CHD7: variants seen among roughly 807,000 people sequenced by gnomAD.
CHD7 encodes the protein chromodomain helicase DNA binding protein 7, also known as ATP-dependent chromatin remodeler CHD7.
Under a neutral mutation model 307.3 loss-of-function variants are expected in CHD7, and 24 were observed. That is an observed-to-expected ratio of 0.08 (90% CI 0.06 to 0.11). The LOEUF is 0.11. Ranked by LOEUF, CHD7 falls within the 10% of genes least tolerant of loss-of-function variation. CHD7 has a pLI of 1.00. For synonymous variants in CHD7, 1,363 were observed against 1,349.9 expected (o/e 1.01, Z -0.21); for missense variants, 3,106 against 3,727.1 (o/e 0.83, Z 4.34).
At chr8:60,805,514 T>G (rs74977823) in intron 6 of CHD7, among the ~76,000 whole-genome samples, 1 of 152,178 alleles carries the variant, frequency 6.6e-6, no homozygotes. Context: ...GTCAGGCATC[T>G]TCACAGCAGG....
intron 32 of CHD7, 67 bp from the exon 33 acceptor site, chr8:60,855,905 GGAT>G: frequency 1.0e-6 from 1 of 984,396 alleles, no homozygotes; most frequent in Non-Finnish European, 1.6e-6. Context: ...GCATCTTGAT[GGAT>G]GTATTTATCT....
rs375905260 is a variant in CHD7, at chr8:60,781,201, G to A, written c.1867G>A (p.Gly623Arg). 3 of 1,600,468 alleles carry A rather than the reference G, an allele frequency of 1.9e-6. No individual in the cohort carries two copies. The highest frequency in any genetic ancestry group is 1.7e-5 in the Admixed American group (1 of 57,488). The part of the protein sequence containing the change: ...KGFGKDDFPG[G>R]VDNQELNRNS... ...TTTTGGTAAAGATGACTTCCCTGGT[G>A]GGGTAGATAACCAAGAACTAAATAG... is the stretch of plus-strand genomic sequence containing the variant. The change falls in exon 3 of 38, where the codon GGG (glycine) becomes AGG (arginine). Residue 623 changes from glycine (G) to arginine (R), a missense_variant. Physicochemically the swap from Gly to Arg is moderately radical, Grantham distance 125 (BLOSUM62 -2). Around this residue, in one of 10 missense-constraint regions of CHD7, gnomAD observed 998 missense variants for 1,004.5 expected, o/e 0.99. Coordinates refer to ENST00000423902, the MANE Select transcript of CHD7 (RefSeq NM_017780.4).
At chr8:60,702,878 T>A (rs990150128) in intron 1 of CHD7, among the ~76,000 whole-genome samples, 15 of 152,240 alleles carry the variant, frequency 9.9e-5, no homozygotes, top group African/African-American at 3.4e-4. Context: ...TGGGGCCATA[T>A]GTTTGCATGT....
intron 2 of CHD7, among the ~76,000 whole-genome samples, chr8:60,768,379 A>G (rs1810569611): frequency 6.6e-6 from 1 of 152,306 alleles, no homozygotes; most frequent in South Asian, 2.1e-4. Flanking sequence ...AACCAAACCT[A>G]ATATTAAATC....
At chr8:60,784,181 G>A (rs1811387131) in intron 3 of CHD7, among the ~76,000 whole-genome samples, 1 of 152,172 alleles carries the variant, frequency 6.6e-6, no homozygotes, top group Admixed American at 6.5e-5. Flanking sequence ...GGGGGTTTGG[G>A]TTATGTTAGT....
chr8:60,691,197 C>T (rs1806176572), intron 1 of CHD7, among the ~76,000 whole-genome samples: 1 of 152,196 alleles, frequency 6.6e-6, no homozygotes, highest in South Asian at 2.1e-4. Context: ...GCTGGGATTA[C>T]AGGTGTCTGT....
At chr8:60,718,642 T>C (rs965667902) in intron 1 of CHD7, among the ~76,000 whole-genome samples, 1 of 152,180 alleles carries the variant, frequency 6.6e-6, no homozygotes, top group African/African-American at 2.4e-5. Flanking sequence ...TTAAAGTCTA[T>C]AAAATAAAAA....
chr8:60,809,912 G>A (rs1001571430), intron 7 of CHD7, among the ~76,000 whole-genome samples: 1 of 152,122 alleles, frequency 6.6e-6, no homozygotes. Context: ...GGTTGCTAAG[G>A]GGTGATTTAC....
chr8:60,719,616 G>T (rs758396500), intron 1 of CHD7, among the ~76,000 whole-genome samples: 3 of 152,126 alleles, frequency 2.0e-5, no homozygotes, highest in Non-Finnish European at 4.4e-5. Flanking sequence ...TAAAGCCCTG[G>T]GGTAATAAAA....
chr8:60,805,508 G>A (rs1291587253), intron 6 of CHD7, among the ~76,000 whole-genome samples: 1 of 152,164 alleles, frequency 6.6e-6, no homozygotes, highest in East Asian at 1.9e-4. Context: ...TCTCTTGTCA[G>A]GCATCTTCAC....
In CHD7 at chr8:60,742,778, A is replaced by G. The variant is rs1208556547; in HGVS notation, c.1346A>G (p.Asn449Ser). 17 of 1,613,928 alleles carry G rather than the reference A, an allele frequency of 1.1e-5. No homozygotes were observed. Among genetic ancestry groups the G allele is most frequent in the Non-Finnish European group, 1.4e-5 (17 of 1,179,890 alleles). Residue 449 changes from asparagine to serine, a missense_variant, in exon 2 of 38, where the codon AAT (asparagine) becomes AGT (serine). By Grantham distance (46) the Asn-to-Ser change is conservative (BLOSUM62 1). Transcript: ENST00000423902. ...GGTGCCATGGGAATCGGACAGAGGAATATGGGCCCCAGAAACATGCAGCAG... is the reference window on the plus strand; with the variant it reads ...GGTGCCATGGGAATCGGACAGAGGAGTATGGGCCCCAGAAACATGCAGCAG... ...PPGAMGIGQRNMGPRNMQQSR... is the reference protein window; with the variant it reads ...PPGAMGIGQRSMGPRNMQQSR...
intron 2 of CHD7, among the ~76,000 whole-genome samples, chr8:60,764,993 G>A (rs984806142): frequency 6.6e-6 from 1 of 152,216 alleles, no homozygotes; most frequent in African/African-American, 2.4e-5. Flanking sequence ...TGAGCGCTCT[G>A]GAGGTGCAGC....
intron 9 of CHD7, among the ~76,000 whole-genome samples, 175 bp from the exon 10 acceptor site, chr8:60,821,615 C>CAT (rs563637124): frequency 1.9e-3 from 279 of 150,004 alleles, no homozygotes; most frequent in African/African-American, 6.3e-3. Context: ...TATGTATAAA[C>CAT]ATATATATAC....
chr8:60,746,880 A>G (rs887030418), intron 2 of CHD7, among the ~76,000 whole-genome samples: 4 of 152,214 alleles, frequency 2.6e-5, no homozygotes, highest in Admixed American at 6.5e-5. Flanking sequence ...TTTACAGGGA[A>G]GGGAAAAACC....
At chr8:60,705,838 CATT>C (rs1414330197) in intron 1 of CHD7, among the ~76,000 whole-genome samples, 4 of 152,168 alleles carry the variant, frequency 2.6e-5, no homozygotes, top group African/African-American at 9.7e-5. Context: ...AATTGATTAA[CATT>C]ATATAATAGA....
intron 2 of CHD7, among the ~76,000 whole-genome samples, chr8:60,772,135 A>G (rs1221980692): frequency 1.3e-5 from 2 of 152,214 alleles, no homozygotes; most frequent in African/African-American, 2.4e-5. Flanking sequence ...GCAATTATTG[A>G]AAACTAAATT....
chr8:60,752,634 T>C (rs886227459), intron 2 of CHD7, among the ~76,000 whole-genome samples: 7 of 152,352 alleles, frequency 4.6e-5, no homozygotes, highest in Admixed American at 2.6e-4. Flanking sequence ...TTAAAATTCT[T>C]ATTGAATATA....
At chr8:60,798,382 T>C (rs1812131336) in intron 4 of CHD7, among the ~76,000 whole-genome samples, 1 of 152,250 alleles carries the variant, frequency 6.6e-6, no homozygotes, top group South Asian at 2.1e-4. Context: ...TTTGCACCTC[T>C]GTGGCCACAG....
At chr8:60,697,975 TG>T (rs1445355973) in intron 1 of CHD7, among the ~76,000 whole-genome samples, 1 of 152,182 alleles carries the variant, frequency 6.6e-6, no homozygotes, top group African/African-American at 2.4e-5. Flanking sequence ...CTTTTTATAG[TG>T]TTAATCTGTC....
Sources: allele counts gnomAD v4.1 joint callset (sites outside exome capture counted in the v4.1 genomes callset), GRCh38; gene constraint gnomAD v4.1.1; regional missense constraint gnomAD v4.1.1; transcripts MANE v1.5; gene names NCBI Gene and HGNC (gene_info 2026-07-23, HGNC 2026-07-21).